PPP1R16B: variants seen among roughly 807,000 people sequenced by gnomAD.
The protein encoded by PPP1R16B is protein phosphatase 1 regulatory subunit 16B, also known as protein phosphatase 1 regulatory inhibitor subunit 16B.
A neutral mutation model predicts 61.7 loss-of-function variants in PPP1R16B; 14 were observed. The observed-to-expected ratio is 0.23, with a 90% confidence interval of 0.15 to 0.35. The LOEUF is 0.35. Ranked by LOEUF, PPP1R16B falls within the 10% of genes least tolerant of loss-of-function variation. PPP1R16B has a pLI of 1.00. For missense variants in PPP1R16B, 547 were observed against 752.5 expected (o/e 0.73, Z 3.19); for synonymous variants, 266 against 305.3 (o/e 0.87, Z 1.34).
intron 2 of PPP1R16B, among the ~76,000 whole-genome samples, chr20:38,876,525 AT>A: frequency 1.1e-5 from 1 of 93,330 alleles, no homozygotes; most frequent in South Asian, 4.7e-4. Flanking sequence ...CTCTTCTTTG[AT>A]TTTTTTCAAC....
chr20:38,889,700 T>A (rs2085277865), intron 3 of PPP1R16B, 35 bp downstream of exon 3: 2 of 1,527,610 alleles, frequency 1.3e-6, no homozygotes, highest in South Asian at 1.1e-5. Context: ...CAGGGCTCCC[T>A]GCCCCTCACC....
At chr20:38,823,499 G>A (rs2084785476) in intron 1 of PPP1R16B, among the ~76,000 whole-genome samples, 1 of 152,074 alleles carries the variant, frequency 6.6e-6, no homozygotes, top group Non-Finnish European at 1.5e-5. Flanking sequence ...AAATTAGCTG[G>A]GCAGAGTGGC....
intron 5 of PPP1R16B, 74 bp downstream of exon 5, chr20:38,900,758 C>T (rs925689669): frequency 1.8e-5 from 21 of 1,190,330 alleles, no homozygotes; most frequent in East Asian, 5.5e-5. Context: ...TCAATGCAGG[C>T]GAACAGATTA....
intron 2 of PPP1R16B, among the ~76,000 whole-genome samples, chr20:38,845,950 GT>G (rs1271406281): frequency 6.6e-6 from 1 of 152,152 alleles, no homozygotes; most frequent in Non-Finnish European, 1.5e-5. Flanking sequence ...GCCTATGGTG[GT>G]CACTGGGCGA....
intron 3 of PPP1R16B, among the ~76,000 whole-genome samples, chr20:38,893,403 G>C (rs992361659): frequency 6.6e-6 from 1 of 152,162 alleles, no homozygotes; most frequent in Admixed American, 6.5e-5. Flanking sequence ...TAAACGGAGA[G>C]CAACATGATT....
At chr20:38,855,444 G>T (rs1041888026) in intron 2 of PPP1R16B, among the ~76,000 whole-genome samples, 18 of 152,090 alleles carry the variant, frequency 1.2e-4, no homozygotes, top group Middle Eastern at 3.4e-3. Context: ...AGGCATGGTG[G>T]CCAACCTTCC....
Position 38,908,838 on chromosome 20 carries a change from GGT to G in PPP1R16B, c.1194+646_1194+647del, listed in dbSNP as rs373066624. Among the ~76,000 whole-genome samples, 5 of 152,286 alleles carry G rather than the reference GGT, an allele frequency of 3.3e-5. No individual in the cohort carries two copies. The East Asian group carries it at 9.7e-4, about 29-fold the overall frequency. On this transcript the variant is annotated intron_variant, in intron 10 of 10. Transcript: ENST00000299824. ...CTAAAATCCAGGTAACACCAGCATT[GGT>G]TCCCTCTGGGGGCTCTCAAGGGGAT... is the stretch of plus-strand genomic sequence containing the variant.
intron 1 of PPP1R16B, among the ~76,000 whole-genome samples, chr20:38,818,685 G>A (rs2084754784): frequency 6.6e-6 from 1 of 151,962 alleles, no homozygotes. Flanking sequence ...GTTAACTCCT[G>A]CAGTCAAGTG....
chr20:38,868,662 A>C (rs1422169990), intron 2 of PPP1R16B, among the ~76,000 whole-genome samples: 1 of 152,066 alleles, frequency 6.6e-6, no homozygotes, highest in Non-Finnish European at 1.5e-5. Flanking sequence ...CATTTTGCAA[A>C]ACTAATATAT....
intron 1 of PPP1R16B, among the ~76,000 whole-genome samples, chr20:38,807,313 TCTAAGATACGGGGCTAACAG>T (rs1232651829): frequency 6.6e-6 from 1 of 152,154 alleles, no homozygotes; most frequent in African/African-American, 2.4e-5. Flanking sequence ...CTCAACTGCC[TCTAAGATACGGGGCTAACAG>T]CCGCCAGGCT....
At chr20:38,889,834 G>A (rs1418136761) in intron 3 of PPP1R16B, among the ~76,000 whole-genome samples, 169 bp downstream of exon 3, 5 of 152,218 alleles carry the variant, frequency 3.3e-5, no homozygotes, top group Admixed American at 1.3e-4. Flanking sequence ...GGAGATACGC[G>A]TGTCTGTTAC....
At chr20:38,896,452 C>T (rs977750826) in intron 4 of PPP1R16B, among the ~76,000 whole-genome samples, 1 of 151,696 alleles carries the variant, frequency 6.6e-6, no homozygotes, top group Non-Finnish European at 1.5e-5. Context: ...CTCAGTTCCC[C>T]TTTACTCTCC....
In PPP1R16B at chr20:38,906,150, A is replaced by G. The variant is rs2085440035; in HGVS notation, c.822+56A>G. ...GCCGGCACAGGGCTAACCTGCTGAC[A>G]CCAAGTTTTTTGGGCTGGCAGTTGT... On this transcript the variant is annotated intron_variant, in intron 7 of 10. Coordinates refer to ENST00000299824, the MANE Select transcript of PPP1R16B (RefSeq NM_015568.4). 3.8e-6 allele frequency: 6 copies of G among 1,562,194 alleles called. No individual in the cohort carries two copies. In the South Asian group the frequency reaches 5.8e-5, roughly 15 times the overall value.
chr20:38,869,407 C>T (rs1053716963), intron 2 of PPP1R16B, among the ~76,000 whole-genome samples: 1 of 152,116 alleles, frequency 6.6e-6, no homozygotes, highest in African/African-American at 2.4e-5. Context: ...GATCCACCCA[C>T]CTCAGCCTCC....
chr20:38,816,270 C>T (rs1422683928), intron 1 of PPP1R16B, among the ~76,000 whole-genome samples: 1 of 152,142 alleles, frequency 6.6e-6, no homozygotes, highest in Non-Finnish European at 1.5e-5. Context: ...ACCGATCACT[C>T]AAACCCGGGC....
chr20:38,852,042 C>T (rs567352198), intron 2 of PPP1R16B, among the ~76,000 whole-genome samples: 38 of 151,488 alleles, frequency 2.5e-4, no homozygotes, highest in African/African-American at 5.6e-4. Flanking sequence ...CTCGCGGGGA[C>T]GGCGGGGGGG....
Position 38,835,975 on chromosome 20 carries a change from T to C in PPP1R16B, c.50T>C (p.Val17Ala). The change falls in exon 2 of 11, where the codon GTG becomes GCG. Residue 17 changes from valine to alanine, a missense_variant. Transcript: ENST00000299824. Reference sequence around the variant, plus strand: ...ACGGAGCTGCAGCTGCTGGAGAAGGTGCCCACGCTGGAGCGGCTGCGGGCT... The same window carrying C: ...ACGGAGCTGCAGCTGCTGGAGAAGGCGCCCACGCTGGAGCGGCTGCGGGCT... ...LLTELQLLEK[V>A]PTLERLRAAQ... 6.5e-7 allele frequency: 1 copy of C among 1,549,922 alleles called. No individual in the cohort carries two copies. The highest frequency in any genetic ancestry group is 8.7e-7 in the Non-Finnish European group (1 of 1,148,416).
chr20:38,918,225 C>T lies in PPP1R16B; in HGVS notation c.1263C>T (p.Asp421=), dbSNP rs375914197. The T allele has an allele frequency of 3.2e-5, 51 of 1,614,154 alleles. No individual in the cohort carries two copies. The highest frequency in any genetic ancestry group is 3.5e-5 in the Non-Finnish European group (41 of 1,180,062). ...CCAAGATCCCACGAGGTGAACTGGA[C>T]ATGCCTGTTGAGAATGGCCTCCGGG... is the stretch of plus-strand genomic sequence containing the variant. The part of the protein sequence containing the change: ...FPTKIPRGEL[D]MPVENGLRAP... The change falls in exon 11 of 11, where the codon GAC becomes GAT. Residue 421 remains aspartate (D), a synonymous_variant. Transcript: ENST00000299824. The surrounding 1 kb of genome is among the most constrained non-coding windows in gnomAD (Gnocchi z 5.3).
chr20:38,837,434 C>G (rs2084879106), intron 2 of PPP1R16B, among the ~76,000 whole-genome samples: 1 of 151,616 alleles, frequency 6.6e-6, no homozygotes. Context: ...CAGATATAGA[C>G]AATGCTATCT....
Sources: allele counts gnomAD v4.1 joint callset (sites outside exome capture counted in the v4.1 genomes callset), GRCh38; gene constraint gnomAD v4.1.1; non-coding constraint Gnocchi (gnomAD v3.1); transcripts MANE v1.5; gene names NCBI Gene and HGNC (gene_info 2026-07-23, HGNC 2026-07-21).